The following TRAP1 variants were observed in gnomAD, a reference collection of about 807,000 sequenced individuals.
TRAP1 encodes heat shock protein 75 kDa, mitochondrial.
In TRAP1, 102 loss-of-function variants were observed where a neutral mutation model predicts 89.1. The observed-to-expected ratio is 1.15, with a 90% confidence interval of 0.98 to 1.35. The LOEUF is 1.35. Among genes scored for constraint, TRAP1 ranks in the 40% most tolerant of loss-of-function variants. TRAP1 has a pLI of 0.00. For missense variants in TRAP1, 1,256 were observed against 945.3 expected, an observed-to-expected ratio of 1.33 and a Z score of -4.31; for synonymous variants, 508 against 388.0, an observed-to-expected ratio of 1.31 and a Z score of -3.64.
At chr16:3,685,612 C>T (rs1440550316) in intron 4 of TRAP1, among the ~76,000 whole-genome samples, 3 of 152,186 alleles carry the variant, frequency 2.0e-5, no homozygotes. Flanking sequence ...CACAAGGCTA[C>T]AGCAGCAGCC....
intron 1 of TRAP1, among the ~76,000 whole-genome samples, chr16:3,702,047 A>C (rs2051372648): frequency 6.6e-6 from 1 of 152,136 alleles, no homozygotes; most frequent in South Asian, 2.1e-4. Context: ...GTCTCTACTA[A>C]AAATACAAAA....
At chr16:3,703,010 C>T (rs186528828) in intron 1 of TRAP1, among the ~76,000 whole-genome samples, 18 of 141,090 alleles carry the variant, frequency 1.3e-4, no homozygotes, top group African/African-American at 4.8e-4. Flanking sequence ...CCATTGCACT[C>T]CAGCCTGGAG....
Position 3,702,394 on chromosome 16 carries a change from G to C in TRAP1, c.89-11409C>G, listed in dbSNP as rs142099951. On this transcript the variant is annotated intron_variant, in intron 1 of 17. Coordinates refer to ENST00000246957, the MANE Select transcript of TRAP1 (RefSeq NM_016292.3). The stretch of plus-strand genomic sequence containing the variant: ...GAAGGGGCCACTGTGCTGCTTCACA[G>C]ACCTGGGAAGAAGTTTTTTGAGAAA... Among the ~76,000 whole-genome samples, 124 of 151,892 alleles carry C rather than the reference G, an allele frequency of 8.2e-4. 2 individuals carry two copies. The highest frequency in any genetic ancestry group is 2.7e-3 in the African/African-American group (110 of 41,218).
chr16:3,692,953 G>C (rs148761813), intron 1 of TRAP1, among the ~76,000 whole-genome samples: 1 of 149,432 alleles, frequency 6.7e-6, no homozygotes, highest in African/African-American at 2.5e-5. Flanking sequence ...CACAAACCTG[G>C]CCTTTTGTTT....
At chr16:3,693,240 T>C (rs145474514) in intron 1 of TRAP1, among the ~76,000 whole-genome samples, 2,103 of 152,282 alleles carry the variant, frequency 0.014, 18 homozygotes, top group Middle Eastern at 0.031. Context: ...TGAGCCACCA[T>C]GCCCGGCCAA....
chr16:3,700,539 T>C (rs1596744832), intron 1 of TRAP1, among the ~76,000 whole-genome samples: 1 of 151,996 alleles, frequency 6.6e-6, no homozygotes, highest in African/African-American at 2.4e-5. Flanking sequence ...CAATCTCGGC[T>C]CACTGCAAAC....
At chr16:3,675,928 C>T in intron 7 of TRAP1, 108 bp downstream of exon 7, 2 of 995,170 alleles carry the variant, frequency 2.0e-6, no homozygotes, top group Non-Finnish European at 3.0e-6. Flanking sequence ...CACGGCTCTG[C>T]CTGTGCACCC....
In TRAP1 at chr16:3,665,886, A is replaced by G. The variant is rs2050819554; in HGVS notation, c.1383+85T>C. 5 of 1,512,370 alleles carry G rather than the reference A, an allele frequency of 3.3e-6. 1 individual carries two copies. Among genetic ancestry groups the G allele is most frequent in the South Asian group, 2.6e-5 (2 of 76,238 alleles). 93.7% of individuals were successfully genotyped at this position (1,512,370 alleles called of 1,614,324 possible). A position where few individuals can be genotyped will look rare whatever the true frequency, so the allele number is the denominator to read the frequency against. ...CAGGGTACCCAGCTGCACCGTCGCC[A>G]CATCAGGGGACACCTCCACCAGCTT... is the stretch of plus-strand genomic sequence containing the variant. On this transcript the variant is annotated intron_variant, in intron 12 of 17. Coordinates refer to ENST00000246957, the MANE Select transcript of TRAP1 (RefSeq NM_016292.3).
At chr16:3,699,826 C>T (rs1425711247) in intron 1 of TRAP1, among the ~76,000 whole-genome samples, 1 of 149,526 alleles carries the variant, frequency 6.7e-6, no homozygotes, top group East Asian at 2.0e-4. Flanking sequence ...CACCATCACA[C>T]AGGACTAAAT....
intron 1 of TRAP1, among the ~76,000 whole-genome samples, chr16:3,697,762 T>G (rs2051309210): frequency 6.6e-6 from 1 of 152,012 alleles, no homozygotes; most frequent in South Asian, 2.1e-4. Flanking sequence ...TCTAGTCTTT[T>G]TGGTTTTTCC....
intron 1 of TRAP1, among the ~76,000 whole-genome samples, chr16:3,710,873 A>ATTTTTTTTT (rs199927286): frequency 1.6e-4 from 17 of 106,050 alleles, no homozygotes; most frequent in African/African-American, 7.3e-4. Context: ...ATATATATAT[A>ATTTTTTTTT]TATATATTTT....
chr16:3,663,160 T>C, intron 14 of TRAP1, 193 bp from the exon 15 acceptor site: 1 of 658,480 alleles, frequency 1.5e-6, no homozygotes, highest in Non-Finnish European at 2.6e-6. Flanking sequence ...TACAACTTGG[T>C]TAGGGCTTTA....
chr16:3,707,138 C>A (rs910415290), intron 1 of TRAP1, among the ~76,000 whole-genome samples: 3 of 150,918 alleles, frequency 2.0e-5, no homozygotes, highest in Non-Finnish European at 4.4e-5. Flanking sequence ...AGTTCCTAAA[C>A]TGCCAGGCAT....
intron 1 of TRAP1, among the ~76,000 whole-genome samples, chr16:3,701,353 C>A (rs192590888): frequency 6.6e-6 from 1 of 152,042 alleles, no homozygotes; most frequent in African/African-American, 2.4e-5. Flanking sequence ...AGCTGGAGAT[C>A]TTAACACTCC....
intron 8 of TRAP1, chr16:3,675,029 A>T (rs1299998605): frequency 1.9e-5 from 8 of 417,006 alleles, no homozygotes; most frequent in Non-Finnish European, 3.5e-5. Context: ...GGGTGGCTGC[A>T]CAGCTCTGTG....
Position 3,690,855 on chromosome 16 carries a change from C to G in TRAP1, c.219G>C (p.Ser73=). 1.3e-6 allele frequency: 2 copies of G among 1,555,434 alleles called. No individual in the cohort carries two copies. Among genetic ancestry groups the G allele is most frequent in the African/African-American group, 1.4e-5 (1 of 71,956 alleles). Residue 73 remains serine (S), a synonymous_variant, in exon 2 of 18, where the codon TCG becomes TCC. Transcript: ENST00000246957. ...GCACGCTCTCTGTGCTGCTGATAAT[C>G]GAGTGCAGGGGTTCCTCCTTGTCCT... is the stretch of plus-strand genomic sequence containing the variant. ...TAEDKEEPLH[S]IISSTESVQG...
intron 11 of TRAP1, among the ~76,000 whole-genome samples, chr16:3,667,971 C>T (rs2050860095): frequency 6.9e-6 from 1 of 145,668 alleles, no homozygotes; most frequent in Non-Finnish European, 1.5e-5. Flanking sequence ...CTCTGTCGCC[C>T]AGGCTGGAGT....
rs765573678 is a variant in TRAP1 at position 3,662,077 on chromosome 16, G to A, written c.1850C>T (p.Ala617Val). 1.2e-4 allele frequency: 192 copies of A among 1,613,174 alleles called. No individual in the cohort carries two copies. Among genetic ancestry groups the A allele is most frequent in the Non-Finnish European group, 1.5e-4 (172 of 1,179,936 alleles). ...CTGCATGCGCAGGAAGTGGCGGGCAGCCCCCATCTCCAGCACGGTGACCAT... is the reference window on the plus strand; with the variant it reads ...CTGCATGCGCAGGAAGTGGCGGGCAACCCCCATCTCCAGCACGGTGACCAT... The part of the protein sequence containing the change: ...PAMVTVLEMG[A>V]ARHFLRMQQL... Residue 617 changes from alanine (A) to valine (V), a missense_variant, in exon 16 of 18, where the codon GCT becomes GTT. Ala to Val is a moderately conservative substitution (Grantham distance 64). Transcript: ENST00000246957.
chr16:3,683,572 G>A (rs1283946268), intron 4 of TRAP1, among the ~76,000 whole-genome samples: 1 of 151,612 alleles, frequency 6.6e-6, no homozygotes, highest in Non-Finnish European at 1.5e-5. Context: ...TTTTATTAGA[G>A]ATGGGGTTTC....
Sources: allele counts gnomAD v4.1 joint callset (sites outside exome capture counted in the v4.1 genomes callset), GRCh38; gene constraint gnomAD v4.1.1; transcripts MANE v1.5; gene names NCBI Gene and HGNC (gene_info 2026-07-23, HGNC 2026-07-21).